C3orf49: variants seen among roughly 807,000 people sequenced by gnomAD.
C3orf49 encodes the protein chromosome 3 open reading frame 49.
A neutral mutation model predicts 13.3 loss-of-function variants in C3orf49; 27 were observed. The observed-to-expected ratio is 2.02, with a 90% CI of 1.49 to 2.79. The LOEUF (loss-of-function observed/expected upper bound fraction) is 2.79. C3orf49 is among the 30% of genes most tolerant of loss of function. The probability of loss-of-function intolerance (pLI) is 0.00; values close to 1 mark genes in which losing one functional copy is unlikely to be tolerated. For missense variants in C3orf49, 242 were observed against 134.2 expected (o/e 1.80, Z -3.97); for synonymous variants, 87 against 47.6 (o/e 1.83, Z -3.40).
At chr3:63,800,712 T>C in the C3orf49 span, among the ~76,000 whole-genome samples, 1 of 152,174 alleles carries the variant, frequency 6.6e-6, no homozygotes, top group East Asian at 1.9e-4. Flanking sequence ...AATTATTTTA[T>C]TAAAATTTGT....
intron 5 of C3orf49, among the ~76,000 whole-genome samples, chr3:63,840,621 A>G (rs1467376754): frequency 6.6e-6 from 1 of 152,214 alleles, no homozygotes; most frequent in Non-Finnish European, 1.5e-5. Context: ...AAATAAAAAA[A>G]TACAGATGAC....
At chr3:63,843,291 TA>T (rs1701807714) in intron 5 of C3orf49, among the ~76,000 whole-genome samples, 1 of 151,942 alleles carries the variant, frequency 6.6e-6, no homozygotes, top group Non-Finnish European at 1.5e-5. Flanking sequence ...GCTAATTTTG[TA>T]TTTCCAGTAG....
chr3:63,802,806 G>T, the C3orf49 span, among the ~76,000 whole-genome samples: 1 of 152,004 alleles, frequency 6.6e-6, no homozygotes, highest in Non-Finnish European at 1.5e-5. Flanking sequence ...TGAAGGAGCT[G>T]TGGTTGAAAA....
chr3:63,813,711 C>T, the C3orf49 span, among the ~76,000 whole-genome samples: 25 of 152,104 alleles, frequency 1.6e-4, no homozygotes, highest in African/African-American at 5.6e-4. Flanking sequence ...ATACACTTCC[C>T]GAGACACAGT....
At chr3:63,790,263 G>T in the C3orf49 span, among the ~76,000 whole-genome samples, 29 of 152,230 alleles carry the variant, frequency 1.9e-4, no homozygotes, top group Admixed American at 1.8e-3. Context: ...CTGTTTCCCT[G>T]GTAGCAGCCA....
chr3:63,819,519 C>G lies in C3orf49; in HGVS notation c.48C>G (p.Tyr16Ter). The G allele has an allele frequency of 1.4e-6, 1 of 703,116 alleles. No individual in the cohort carries two copies. Among genetic ancestry groups the G allele is most frequent in the Non-Finnish European group, 2.6e-6 (1 of 385,004 alleles). The allele number at this position is 703,116 out of a possible 1,614,324, so 43.6% of individuals were successfully genotyped here. A position where few individuals can be genotyped will look rare whatever the true frequency, so the allele number is the denominator to read the frequency against. The part of the protein sequence containing the change: ...LYLPEPFKIA[Y>*]RKVGQCRRFQ... ...TACCAGAACCCTTTAAGATTGCCTA[C>G]AGAAAAGTTGGACAGTGCCGAAGAT... Residue 16 changes from tyrosine to a stop codon, truncating the protein, a stop_gained, in exon 1 of 7, where the codon TAC (tyrosine) becomes TAG (stop). Coordinates refer to ENST00000295896, the MANE Select transcript of C3orf49 (RefSeq NM_001355236.2). LOFTEE classifies it high-confidence loss of function.
chr3:63,836,220 G>T, intron 5 of C3orf49: 1 of 1,322,748 alleles, frequency 7.6e-7, no homozygotes, highest in Non-Finnish European at 1.1e-6. Context: ...ATTTATTTCT[G>T]CAAAAATGAA....
At chr3:63,782,342 A>G in the C3orf49 span, 1 of 152,362 alleles carries the variant, frequency 6.6e-6, no homozygotes, top group Non-Finnish European at 1.5e-5. Flanking sequence ...AAAAAAACAA[A>G]CAAACATAAA....
chr3:63,784,508 AT>A, the C3orf49 span, among the ~76,000 whole-genome samples: 1 of 148,434 alleles, frequency 6.7e-6, no homozygotes, highest in African/African-American at 2.6e-5. Context: ...TACTAAAAAA[AT>A]ATATAAAGAT....
At chr3:63,791,636 T>G in the C3orf49 span, among the ~76,000 whole-genome samples, 2 of 152,212 alleles carry the variant, frequency 1.3e-5, no homozygotes, top group Non-Finnish European at 1.5e-5. Context: ...CTGGCATTTG[T>G]GTTTTATTAA....
At chr3:63,805,377 A>G in the C3orf49 span, among the ~76,000 whole-genome samples, 1 of 152,216 alleles carries the variant, frequency 6.6e-6, no homozygotes, top group African/African-American at 2.4e-5. Flanking sequence ...GTTATTTTTT[A>G]AATTAAATGT....
intron 1 of C3orf49, among the ~76,000 whole-genome samples, chr3:63,819,938 C>T (rs1701373229): frequency 1.3e-5 from 2 of 152,190 alleles, no homozygotes; most frequent in South Asian, 4.1e-4. Flanking sequence ...GTCATTAGTG[C>T]ATTCTTCGAA....
In C3orf49 at chr3:63,831,699, C is replaced by T. The variant is rs1438432819; in HGVS notation, c.704C>T (p.Thr235Ile). Reference sequence around the variant, plus strand: ...TCATAGGTGGATGACCTCATAGAAACAGTGACTGATAAATCCATGAAGCTA... The same window carrying T: ...TCATAGGTGGATGACCTCATAGAAATAGTGACTGATAAATCCATGAAGCTA... ...LQMQVDDLIETVTDKSMKLLA... is the reference protein window; with the variant it reads ...LQMQVDDLIEIVTDKSMKLLA... The change falls in exon 5 of 7, where the codon ACA becomes ATA. Residue 235 changes from threonine to isoleucine, a missense_variant. Physicochemically the swap from Thr to Ile is moderately conservative, Grantham distance 89. Coordinates refer to ENST00000295896, the MANE Select transcript of C3orf49 (RefSeq NM_001355236.2). 1 of 702,994 alleles carries T rather than the reference C, an allele frequency of 1.4e-6. No homozygotes were observed. Among genetic ancestry groups the T allele is most frequent in the African/African-American group, 1.7e-5 (1 of 57,240 alleles). The allele number at this position is 702,994 out of a possible 1,614,324, so 43.5% of individuals were successfully genotyped here.
chr3:63,826,592 C>T (rs571633520), intron 2 of C3orf49, among the ~76,000 whole-genome samples: 113 of 152,198 alleles, frequency 7.4e-4, no homozygotes, highest in African/African-American at 2.6e-3. Context: ...TGCCAAATAG[C>T]CAAGTGGAAG....
At chr3:63,838,710 G>A (rs1015802594) in intron 5 of C3orf49, among the ~76,000 whole-genome samples, 3 of 151,848 alleles carry the variant, frequency 2.0e-5, no homozygotes, top group African/African-American at 7.2e-5. Flanking sequence ...AAATGCAAAG[G>A]TGGGATTGTT....
At chr3:63,785,065 C>CTTTTT in the C3orf49 span, among the ~76,000 whole-genome samples, 204 of 64,958 alleles carry the variant, frequency 3.1e-3, 2 homozygotes, top group Admixed American at 3.6e-3. Flanking sequence ...TCTTCTTCTT[C>CTTTTT]TTTTTTTTTT....
upstream of C3orf49, among the ~76,000 whole-genome samples, chr3:63,816,117 T>C (rs1279789933): frequency 6.6e-6 from 1 of 151,586 alleles, no homozygotes; most frequent in South Asian, 2.1e-4. Flanking sequence ...TTTTAATTCT[T>C]TTTTCTTTGT....
the C3orf49 span, among the ~76,000 whole-genome samples, chr3:63,785,045 A>C: frequency 7.1e-6 from 1 of 140,568 alleles, no homozygotes; most frequent in African/African-American, 2.7e-5. Flanking sequence ...CCTAGTCTCC[A>C]CTGGACTTCT....
the C3orf49 span, among the ~76,000 whole-genome samples, chr3:63,797,601 T>A: frequency 6.6e-6 from 1 of 152,140 alleles, no homozygotes; most frequent in Admixed American, 6.6e-5. Context: ...ACCAAGTATA[T>A]CTTCCTACCA....
Sources: gnomAD v4.1 joint callset for allele counts (sites outside exome capture counted in the v4.1 genomes callset) on GRCh38, gnomAD v4.1.1 for gene constraint, MANE v1.5 for transcripts, NCBI Gene and HGNC (gene_info 2026-07-23, HGNC 2026-07-21) for gene names.